Variants in ATP2C2 observed in about 807,000 individuals in gnomAD.
ATP2C2 encodes ATPase secretory pathway Ca2+ transporting 2.
A neutral mutation model predicts 110.8 loss-of-function variants in ATP2C2; 171 were observed. The observed-to-expected ratio is 1.54, with a 90% CI of 1.36 to 1.75. ATP2C2 has a LOEUF of 1.75. Among genes scored for constraint, ATP2C2 ranks in the 40% most tolerant of loss-of-function variants. ATP2C2 has a pLI of 0.00. For synonymous variants in ATP2C2, 804 were observed against 508.4 expected, an observed-to-expected ratio of 1.58 and a Z score of -7.82; for missense variants, 1,963 against 1,235.0, an observed-to-expected ratio of 1.59 and a Z score of -8.84.
chr16:84,426,075 C>G (rs1907790056), intron 11 of ATP2C2: 2 of 432,822 alleles, frequency 4.6e-6, no homozygotes, highest in Non-Finnish European at 4.2e-6. Flanking sequence ...ATACCTGAGG[C>G]TTGGTAATTT....
chr16:84,396,387 A>T (rs1597755537), intron 1 of ATP2C2, among the ~76,000 whole-genome samples: 1 of 151,828 alleles, frequency 6.6e-6, no homozygotes, highest in Non-Finnish European at 1.5e-5. Context: ...CTCTACTAAA[A>T]ATACAAAAAC....
At chr16:84,455,038 C>T in intron 21 of ATP2C2, 54 bp downstream of exon 21, 2 of 1,590,016 alleles carry the variant, frequency 1.3e-6, no homozygotes, top group Non-Finnish European at 1.7e-6. Context: ...GGGTCACCAG[C>T]TTCTCCCTGG....
intron 6 of ATP2C2, among the ~76,000 whole-genome samples, chr16:84,412,351 C>CATGCGTGTGT (rs1555557483): frequency 1.6e-5 from 1 of 63,298 alleles, no homozygotes; most frequent in Admixed American, 1.4e-4. Flanking sequence ...CGTGTGTCTG[C>CATGCGTGTGT]GTGCGTGTGT....
In ATP2C2 at chr16:84,451,922, G is replaced by A. The variant is rs1373503216; in HGVS notation, c.1662G>A (p.Val554=). ...TCCTTACTCCCCCTCTCTCCTCAGT[G>A]CTGGCCCTGGCTTCTGGGCCCGAGC... ...EKRMGSLGLR[V]LALASGPELG... The change falls in exon 18 of 27, where the codon GTG becomes GTA. Residue 554 remains valine, a splice_region_variant and synonymous_variant. Transcript: ENST00000262429. 3 of 1,613,790 alleles carry A rather than the reference G, an allele frequency of 1.9e-6. No individual in the cohort carries two copies. Among genetic ancestry groups the A allele is most frequent in the East Asian group, 2.2e-5 (1 of 44,860 alleles).
At chr16:84,377,132 C>T (rs1005799200) in intron 1 of ATP2C2, among the ~76,000 whole-genome samples, 1 of 151,210 alleles carries the variant, frequency 6.6e-6, no homozygotes, top group Non-Finnish European at 1.5e-5. Context: ...TGCTAAGTCT[C>T]AGCGAGTAGT....
chr16:84,384,526 C>A (rs771197490), intron 1 of ATP2C2, among the ~76,000 whole-genome samples: 1 of 152,156 alleles, frequency 6.6e-6, no homozygotes, highest in African/African-American at 2.4e-5. Context: ...GTTAAGACAG[C>A]GTCTGCCAGG....
intron 2 of ATP2C2, among the ~76,000 whole-genome samples, chr16:84,399,900 C>G (rs1448414089): frequency 2.0e-5 from 3 of 152,178 alleles, no homozygotes; most frequent in African/African-American, 7.2e-5. Context: ...ATAGCCCTCT[C>G]CACTTTCTCC....
chr16:84,461,669 T>A, intron 24 of ATP2C2, 45 bp from the exon 25 acceptor site: 1 of 1,561,696 alleles, frequency 6.4e-7, no homozygotes, highest in Admixed American at 1.7e-5. Context: ...AGGATGGAGG[T>A]TGTCTCTTCC....
Position 84,410,688 on chromosome 16 carries a change from A to G in ATP2C2, c.454-16A>G. The G allele has an allele frequency of 6.2e-7, 1 of 1,614,082 alleles. No individual in the cohort carries two copies. Among genetic ancestry groups the G allele is most frequent in the East Asian group, 2.2e-5 (1 of 44,862 alleles). On this transcript the variant is annotated splice_polypyrimidine_tract_variant and intron_variant, in intron 5 of 26. Transcript: ENST00000262429. ...TCCCCACCTTTAAACAGCACATCTG[A>G]TGTGCTTCCTGCCAGGAGTACAGGT...
At chr16:84,397,662 A>AAAAAAAAAAAAAAAAAAAAAAAAAAAC (rs1567694759) in intron 1 of ATP2C2, among the ~76,000 whole-genome samples, 1 of 146,616 alleles carries the variant, frequency 6.8e-6, no homozygotes, top group Non-Finnish European at 1.5e-5. Flanking sequence ...TGACAAAAAA[A>AAAAAAAAAAAAAAAAAAAAAAAAAAAC]AAAAAAAAAA....
chr16:84,454,718 T>C (rs1910625792), intron 20 of ATP2C2, 100 bp from the exon 21 acceptor site: 1 of 1,294,996 alleles, frequency 7.7e-7, no homozygotes, highest in Non-Finnish European at 1.0e-6. Flanking sequence ...CCGGGTGCCC[T>C]CCAGACAGAG....
intron 11 of ATP2C2, among the ~76,000 whole-genome samples, chr16:84,435,213 T>A (rs1002798714): frequency 6.6e-6 from 1 of 152,266 alleles, no homozygotes; most frequent in African/African-American, 2.4e-5. Flanking sequence ...TCAACTCCTC[T>A]GAAATCAGAT....
intron 6 of ATP2C2, among the ~76,000 whole-genome samples, chr16:84,412,145 C>T (rs371127419): frequency 1.3e-5 from 2 of 152,144 alleles, no homozygotes; most frequent in Non-Finnish European, 2.9e-5. Context: ...TCCCAAGTAG[C>T]TGGGAATACA....
rs367631917 is a variant in ATP2C2, at chr16:84,448,565, C to A, written c.1536C>A (p.Ala512=). 2.5e-6 allele frequency: 4 copies of A among 1,613,178 alleles called. No homozygotes were observed. The East Asian group carries it at 8.9e-5, about 36-fold the overall frequency. Reference sequence around the variant, plus strand: ...AAGACATTTACTTCATGAAAGGGGCCTTGGAAGAGGTGATCCGCTACTGCA... The same window carrying A: ...AAGACATTTACTTCATGAAAGGGGCATTGGAAGAGGTGATCCGCTACTGCA... ...DQEDIYFMKG[A]LEEVIRYCTM... is the part of the protein sequence containing the mutation. Residue 512 remains alanine, a synonymous_variant, in exon 17 of 27, where the codon GCC becomes GCA. Transcript: ENST00000262429.
intron 2 of ATP2C2, among the ~76,000 whole-genome samples, chr16:84,401,229 T>TTTC (rs1453336291): frequency 6.7e-6 from 1 of 148,978 alleles, no homozygotes; most frequent in East Asian, 2.0e-4. Flanking sequence ...AATCTTTTTT[T>TTTC]TTTTTTTTTT....
chr16:84,369,631 G>A lies in ATP2C2; in HGVS notation c.99+917G>A, dbSNP rs191605488. Among the ~76,000 whole-genome samples, 1,035 of 151,966 alleles carry A rather than the reference G, an allele frequency of 6.8e-3. 8 individuals carry two copies. Among genetic ancestry groups the A allele is most frequent in the South Asian group, 0.022 (108 of 4,822 alleles). On this transcript the variant is annotated intron_variant, in intron 1 of 26. Transcript: ENST00000262429. Reference sequence around the variant, plus strand: ...TGACCAGTGAAAGGAAACTTCAAAGGTAAACTTACCTTTTAATTAAAAAAA... The same window carrying A: ...TGACCAGTGAAAGGAAACTTCAAAGATAAACTTACCTTTTAATTAAAAAAA...
chr16:84,436,263 C>T (rs1253900496), intron 11 of ATP2C2, among the ~76,000 whole-genome samples: 1 of 152,218 alleles, frequency 6.6e-6, no homozygotes, highest in Non-Finnish European at 1.5e-5. Flanking sequence ...TTTCCAGCTT[C>T]TCTTGGGAGC....
intron 1 of ATP2C2, among the ~76,000 whole-genome samples, chr16:84,382,512 G>A (rs1015041336): frequency 6.6e-6 from 1 of 152,204 alleles, no homozygotes; most frequent in Admixed American, 6.5e-5. Context: ...CCTGGGGCAG[G>A]ATGGGCAGCC....
chr16:84,425,856 C>T lies in ATP2C2; in HGVS notation c.986+55C>T, dbSNP rs1597813102. ...GCCAGGGTGGTCAATGGGCTCTGAGCCCTTCCCTGCCGCAAGAGAAGGTGG... is the reference window on the plus strand; with the variant it reads ...GCCAGGGTGGTCAATGGGCTCTGAGTCCTTCCCTGCCGCAAGAGAAGGTGG... On this transcript the variant is annotated intron_variant, in intron 11 of 26. Coordinates refer to ENST00000262429, the MANE Select transcript of ATP2C2 (RefSeq NM_014861.4). 3.2e-6 allele frequency: 5 copies of T among 1,577,950 alleles called. No individual in the cohort carries two copies. In the African/African-American group the frequency reaches 4.1e-5, roughly 13 times the overall value.
Sources: allele counts gnomAD v4.1 joint callset (sites outside exome capture counted in the v4.1 genomes callset), GRCh38; gene constraint gnomAD v4.1.1; transcripts MANE v1.5; gene names NCBI Gene and HGNC (gene_info 2026-07-23, HGNC 2026-07-21).